PPP2R2B: variants seen among roughly 807,000 people sequenced by gnomAD.
PPP2R2B encodes the protein serine/threonine-protein phosphatase 2A 55 kDa regulatory subunit B beta isoform.
A neutral mutation model predicts 46.0 loss-of-function variants in PPP2R2B; 5 were observed. The observed-to-expected ratio is 0.11, with a 90% confidence interval of 0.06 to 0.23. The LOEUF (loss-of-function observed/expected upper bound fraction) is 0.23. Among genes scored for constraint, PPP2R2B ranks in the 10% least tolerant of loss-of-function variants. The probability of loss-of-function intolerance (pLI) is 1.00; values close to 1 mark genes in which losing one functional copy is unlikely to be tolerated. For synonymous variants in PPP2R2B, 215 were observed against 206.7 expected (o/e 1.04, Z -0.34); for missense variants, 367 against 575.0 (o/e 0.64, Z 3.70).
At chr5:146,915,075 T>C (rs184431739) in intron 1 of PPP2R2B, among the ~76,000 whole-genome samples, 27 of 152,304 alleles carry the variant, frequency 1.8e-4, no homozygotes, top group African/African-American at 6.5e-4. Context: ...ATGTACTACA[T>C]TGCTCTCAGA....
intron 1 of PPP2R2B, among the ~76,000 whole-genome samples, chr5:147,038,570 TG>T (rs770186175): frequency 1.3e-5 from 2 of 152,168 alleles, no homozygotes; most frequent in Non-Finnish European, 2.9e-5. Flanking sequence ...GATAAAAGGA[TG>T]GCAACAATGA....
chr5:146,867,491 A>T (rs319226), intron 2 of PPP2R2B, among the ~76,000 whole-genome samples: 72,199 of 151,856 alleles, frequency 0.48, 18,569 homozygotes, highest in East Asian at 0.72. Flanking sequence ...TAGAGAGGGA[A>T]TCTTTTGTAT....
intron 1 of PPP2R2B, among the ~76,000 whole-genome samples, chr5:146,943,491 G>C (rs1398695432): frequency 6.6e-6 from 1 of 152,120 alleles, no homozygotes; most frequent in African/African-American, 2.4e-5. Flanking sequence ...CAGCCCATGA[G>C]GTTGTAAGAA....
intron 2 of PPP2R2B, among the ~76,000 whole-genome samples, chr5:146,713,208 TTCC>T (rs1403398217): frequency 6.6e-6 from 1 of 152,062 alleles, no homozygotes; most frequent in African/African-American, 2.4e-5. Flanking sequence ...AGGAAGAGTG[TTCC>T]AAAGAGATGA....
At chr5:147,049,949 G>C (rs945119213) in intron 1 of PPP2R2B, among the ~76,000 whole-genome samples, 1 of 152,114 alleles carries the variant, frequency 6.6e-6, no homozygotes, top group Non-Finnish European at 1.5e-5. Context: ...GAAGATACAG[G>C]CTCATGAGAT....
At chr5:146,881,564 A>G (rs1762169099), upstream of PPP2R2B, among the ~76,000 whole-genome samples, 1 of 152,068 alleles carries the variant, frequency 6.6e-6, no homozygotes, top group Admixed American at 6.5e-5. Context: ...GACATGGACC[A>G]CCACACCCAG....
intron 2 of PPP2R2B, among the ~76,000 whole-genome samples, chr5:146,788,331 T>G (rs541516300): frequency 6.7e-6 from 1 of 150,268 alleles, no homozygotes; most frequent in Admixed American, 6.6e-5. Context: ...TAGCACACCC[T>G]GGTTTAAAGA....
At chr5:146,597,446 G>A (rs890151078) in intron 8 of PPP2R2B, among the ~76,000 whole-genome samples, 3 of 151,860 alleles carry the variant, frequency 2.0e-5, no homozygotes, top group Non-Finnish European at 4.4e-5. Flanking sequence ...CCCTACCTTC[G>A]ATTCAGCAGT....
chr5:146,638,115 G>A (rs184247419), intron 7 of PPP2R2B, 136 bp downstream of exon 7: 4 of 739,644 alleles, frequency 5.4e-6, no homozygotes, highest in Admixed American at 6.7e-5. Context: ...TATAAAATAC[G>A]GAGCTGACTC....
At chr5:146,664,561 C>T (rs1776860266) in intron 5 of PPP2R2B, among the ~76,000 whole-genome samples, 3 of 151,710 alleles carry the variant, frequency 2.0e-5, no homozygotes, top group Admixed American at 2.0e-4. Flanking sequence ...GTGACTTCCT[C>T]CACTGAAGTC....
intron 1 of PPP2R2B, among the ~76,000 whole-genome samples, chr5:147,037,044 G>T (rs1234705856): frequency 6.6e-6 from 1 of 152,160 alleles, no homozygotes; most frequent in Non-Finnish European, 1.5e-5. Flanking sequence ...TGCCAGAGAG[G>T]TGAAGTAACT....
At chr5:146,904,708 C>T (rs1762943690) in intron 1 of PPP2R2B, among the ~76,000 whole-genome samples, 1 of 152,118 alleles carries the variant, frequency 6.6e-6, no homozygotes, top group Non-Finnish European at 1.5e-5. Context: ...GCTTCATCTC[C>T]TTGAGAGAAA....
chr5:146,738,842 T>C (rs922994921), intron 2 of PPP2R2B, among the ~76,000 whole-genome samples: 3 of 152,232 alleles, frequency 2.0e-5, no homozygotes, highest in African/African-American at 7.2e-5. Context: ...GATTAATTCA[T>C]AAATTAATTC....
chr5:146,888,450 C>CT (rs1474328518), intron 1 of PPP2R2B, among the ~76,000 whole-genome samples: 72 of 152,298 alleles, frequency 4.7e-4, no homozygotes, highest in African/African-American at 1.6e-3. Context: ...CTCCAACTAT[C>CT]ATCCTATCTC....
chr5:146,861,960 A>G (rs887137162), intron 2 of PPP2R2B, among the ~76,000 whole-genome samples: 1 of 152,032 alleles, frequency 6.6e-6, no homozygotes, highest in Non-Finnish European at 1.5e-5. Flanking sequence ...TAACTCATAT[A>G]ATATGAATGA....
At chr5:146,593,507 A>G (rs1770866592) in intron 8 of PPP2R2B, among the ~76,000 whole-genome samples, 1 of 152,246 alleles carries the variant, frequency 6.6e-6, no homozygotes, top group Non-Finnish European at 1.5e-5. Flanking sequence ...TAAATAAATA[A>G]GATGTTTAGA....
At chr5:146,615,473 T>G (rs375218587) in intron 7 of PPP2R2B, among the ~76,000 whole-genome samples, 5,542 of 108,238 alleles carry the variant, frequency 0.051, 402 homozygotes, top group African/African-American at 0.14. Flanking sequence ...TGCACAATGT[T>G]CACATGTACC....
chr5:146,618,816 A>G lies in PPP2R2B; in HGVS notation c.791-18356T>C, dbSNP rs562851229. ...ACACAGTTCAGAGAAACCAGAACCCAGCGGCTGCAAAGGCAGAGCAAGCCA... is the reference window on the plus strand; with the variant it reads ...ACACAGTTCAGAGAAACCAGAACCCGGCGGCTGCAAAGGCAGAGCAAGCCA... On this transcript the variant is annotated intron_variant, in intron 7 of 9. Transcript: ENST00000394411. Among the ~76,000 whole-genome samples the G allele has an allele frequency of 7.2e-5, 11 of 152,308 alleles. No homozygotes were observed. In the East Asian group the frequency reaches 2.1e-3, roughly 29 times the overall value.
At chr5:146,652,265 G>A (rs1340324248) in intron 5 of PPP2R2B, among the ~76,000 whole-genome samples, 1 of 152,192 alleles carries the variant, frequency 6.6e-6, no homozygotes, top group East Asian at 1.9e-4. Context: ...CAGTGACCAT[G>A]CTCCCTGTGC....
Sources: gnomAD v4.1 joint callset for allele counts (sites outside exome capture counted in the v4.1 genomes callset) on GRCh38, gnomAD v4.1.1 for gene constraint, MANE v1.5 for transcripts, NCBI Gene and HGNC (gene_info 2026-07-23, HGNC 2026-07-21) for gene names.